Variants in MYOT observed in about 807,000 individuals in gnomAD.
MYOT encodes the protein 57 kDa cytoskeletal protein.
A neutral mutation model predicts 58.0 loss-of-function variants in MYOT; 36 were observed. That is an observed-to-expected ratio of 0.62 (90% CI 0.48 to 0.82). The LOEUF (loss-of-function observed/expected upper bound fraction) is 0.82. MYOT is among the 40% of genes least tolerant of loss of function. MYOT has a pLI of 0.00. For synonymous variants in MYOT, 218 were observed against 204.6 expected (o/e 1.07, Z -0.56); for missense variants, 505 against 592.1 (o/e 0.85, Z 1.53).
intron 5 of MYOT, among the ~76,000 whole-genome samples, chr5:137,881,713 T>C (rs1486680969): frequency 2.0e-5 from 3 of 152,116 alleles, no homozygotes; most frequent in African/African-American, 4.8e-5. Flanking sequence ...TTATTTATCT[T>C]TGAGACAGAC....
intron 4 of MYOT, chr5:137,880,599 C>A: frequency 2.1e-6 from 1 of 470,642 alleles, no homozygotes; most frequent in South Asian, 3.0e-5. Flanking sequence ...ATAAATAATA[C>A]TTGTTGAATA....
At chr5:137,877,259 T>C (rs1392121802) in intron 3 of MYOT, among the ~76,000 whole-genome samples, 1 of 149,146 alleles carries the variant, frequency 6.7e-6, no homozygotes, top group Non-Finnish European at 1.5e-5. Context: ...TCCCAGCTAC[T>C]CAGGAGGCTG....
chr5:137,870,127 A>T (rs938642237), intron 1 of MYOT, among the ~76,000 whole-genome samples: 8 of 126,644 alleles, frequency 6.3e-5, no homozygotes, highest in African/African-American at 2.7e-4. Flanking sequence ...TGTCTCTACT[A>T]AAAAAAAAAA....
chr5:137,881,842 A>T, intron 5 of MYOT, 131 bp from the exon 6 acceptor site: 1 of 918,812 alleles, frequency 1.1e-6, no homozygotes, highest in Non-Finnish European at 1.7e-6. Context: ...AGATTGGGCC[A>T]CTGTACTCCA....
intron 3 of MYOT, among the ~76,000 whole-genome samples, chr5:137,876,672 C>T (rs1755232727): frequency 6.6e-6 from 1 of 152,152 alleles, no homozygotes; most frequent in Admixed American, 6.5e-5. Context: ...GGTGTGGTGG[C>T]ATGCACCTGT....
At chr5:137,883,989 A>T (rs928102423) in intron 7 of MYOT, among the ~76,000 whole-genome samples, 1 of 152,220 alleles carries the variant, frequency 6.6e-6, no homozygotes, top group African/African-American at 2.4e-5. Context: ...AATAAAAATA[A>T]CCAATCTGAC....
At chr5:137,876,903 G>A (rs780116438) in intron 3 of MYOT, among the ~76,000 whole-genome samples, 62 of 152,144 alleles carry the variant, frequency 4.1e-4, no homozygotes, top group African/African-American at 1.2e-3. Flanking sequence ...GCAGAACAAC[G>A]GAGGAAAGGG....
rs757349491 is a variant in MYOT at position 137,875,795 on chromosome 5, C to CT, written c.357-29dup. 1.1e-5 allele frequency: 17 copies of CT among 1,611,482 alleles called. No individual in the cohort carries two copies. The South Asian group carries it at 1.5e-4, about 15-fold the overall frequency. On this transcript the variant is annotated intron_variant, in intron 2 of 9. Transcript: ENST00000239926. ...ATTTGCAAAATGAGGCCAAGACCTT[C>CT]TTTTTAAAAATCTTTTCTTTTTCCT...
chr5:137,885,870 T>C (rs1261159913), intron 7 of MYOT, among the ~76,000 whole-genome samples, 178 bp from the exon 8 acceptor site: 2 of 150,820 alleles, frequency 1.3e-5, no homozygotes, highest in Non-Finnish European at 2.9e-5. Context: ...TACATTAGAG[T>C]TTAGAATTCT....
intron 2 of MYOT, among the ~76,000 whole-genome samples, chr5:137,873,730 C>A (rs1755120888): frequency 6.6e-6 from 1 of 151,894 alleles, no homozygotes; most frequent in Non-Finnish European, 1.5e-5. Flanking sequence ...ATATAGACAA[C>A]CATAAAGATC....
intron 7 of MYOT, 163 bp downstream of exon 7, chr5:137,883,754 A>G (rs751334725): frequency 2.5e-5 from 16 of 639,206 alleles, no homozygotes; most frequent in Non-Finnish European, 4.4e-5. Context: ...GAAAAAATAT[A>G]TATATATACA....
intron 7 of MYOT, among the ~76,000 whole-genome samples, chr5:137,885,157 G>A (rs541477080): frequency 6.6e-6 from 1 of 152,104 alleles, no homozygotes; most frequent in Admixed American, 6.5e-5. Context: ...CTGAACTATC[G>A]TTTCCTGTCT....
At chr5:137,881,240 T>C (rs879507462) in intron 5 of MYOT, among the ~76,000 whole-genome samples, 2 of 152,226 alleles carry the variant, frequency 1.3e-5, no homozygotes, top group Non-Finnish European at 2.9e-5. Flanking sequence ...AGATGTACAA[T>C]TTGTACCAGA....
At chr5:137,883,779 T>C (rs968096785) in intron 7 of MYOT, among the ~76,000 whole-genome samples, 188 bp downstream of exon 7, 9 of 152,176 alleles carry the variant, frequency 5.9e-5, no homozygotes, top group African/African-American at 2.2e-4. Flanking sequence ...CATACATACA[T>C]ATATAGATAT....
chr5:137,874,796 C>T (rs1185659067), intron 2 of MYOT, among the ~76,000 whole-genome samples: 1 of 152,114 alleles, frequency 6.6e-6, no homozygotes, highest in Admixed American at 6.5e-5. Context: ...ACTGTCATTA[C>T]TTTAGAAGTT....
intron 4 of MYOT, 41 bp downstream of exon 4, chr5:137,877,662 C>T (rs1311920135): frequency 3.6e-6 from 5 of 1,386,954 alleles, no homozygotes; most frequent in African/African-American, 1.4e-5. Flanking sequence ...TTATTCTGTG[C>T]GATTTTTAAA....
At chr5:137,869,967 AAAG>A (rs1754987495) in intron 1 of MYOT, among the ~76,000 whole-genome samples, 1 of 151,948 alleles carries the variant, frequency 6.6e-6, no homozygotes, top group Non-Finnish European at 1.5e-5. Flanking sequence ...AAGGAGAGAA[AAAG>A]AAGCAGTGAA....
chr5:137,883,422 A>T lies in MYOT; in HGVS notation c.855A>T (p.Leu285=). ...GLPAPDVSWY[L]NGRTVQSDDL... is the part of the protein sequence containing the mutation. ...CAGCTCCTGATGTGTCATGGTATCT[A>T]AATGGAAGAACAGTTCAATCAGATG... The change falls in exon 7 of 10, where the codon CTA becomes CTT. Residue 285 remains leucine, a synonymous_variant. Transcript: ENST00000239926. 6.2e-7 allele frequency: 1 copy of T among 1,614,120 alleles called. No individual in the cohort carries two copies. The highest frequency in any genetic ancestry group is 8.5e-7 in the Non-Finnish European group (1 of 1,180,016).
At chr5:137,885,771 CAAAAAAAAAAAAA>C (rs71583286) in intron 7 of MYOT, among the ~76,000 whole-genome samples, 29 of 30,978 alleles carry the variant, frequency 9.4e-4, no homozygotes, top group African/African-American at 2.3e-3. Flanking sequence ...GACTCTGTCT[CAAAAAAAAAAAAA>C]AAAAAAAAAA....
Sources: allele counts gnomAD v4.1 joint callset (sites outside exome capture counted in the v4.1 genomes callset), GRCh38; gene constraint gnomAD v4.1.1; transcripts MANE v1.5; gene names NCBI Gene and HGNC (gene_info 2026-07-23, HGNC 2026-07-21).